SELP: variants seen among roughly 807,000 people sequenced by gnomAD.
The protein encoded by SELP is selectin P.
In SELP, 92 loss-of-function variants were observed where a neutral mutation model predicts 104.1. That is an observed-to-expected ratio of 0.88 (90% CI 0.75 to 1.05). The LOEUF is 1.05. Among genes scored for constraint, SELP ranks in the 50% least tolerant of loss-of-function variants. The probability of loss-of-function intolerance (pLI) is 0.00; values close to 1 mark genes in which losing one functional copy is unlikely to be tolerated. For synonymous variants in SELP, 397 were observed against 364.5 expected (o/e 1.09, Z -1.01); for missense variants, 1,022 against 1,017.3 (o/e 1.00, Z -0.06).
At chr1:169,603,763 C>T (rs910449048) in intron 9 of SELP, among the ~76,000 whole-genome samples, 4 of 152,192 alleles carry the variant, frequency 2.6e-5, no homozygotes, top group Non-Finnish European at 2.9e-5. Context: ...AGACAATAAC[C>T]TTTCTGAGCC....
At chr1:169,591,673 A>G in intron 14 of SELP, 2 of 373,946 alleles carry the variant, frequency 5.3e-6, no homozygotes, top group Non-Finnish European at 9.7e-6. Flanking sequence ...GAGTCCTGTC[A>G]CTTTCTTCCT....
chr1:169,602,946 C>T, intron 10 of SELP, 80 bp downstream of exon 10: 2 of 1,304,802 alleles, frequency 1.5e-6, no homozygotes, highest in South Asian at 1.5e-5. Flanking sequence ...CTCAAGAACA[C>T]TTTTATATAA....
chr1:169,609,692 A>G lies in SELP; in HGVS notation c.1148-3T>C. 6.2e-7 allele frequency: 1 copy of G among 1,606,516 alleles called. No homozygotes were observed. The highest frequency in any genetic ancestry group is 8.5e-7 in the Non-Finnish European group (1 of 1,176,326). On this transcript the variant is annotated splice_region_variant and splice_polypyrimidine_tract_variant and intron_variant, in intron 7 of 16. Coordinates refer to ENST00000263686, the MANE Select transcript of SELP (RefSeq NM_003005.4). The stretch of plus-strand genomic sequence containing the variant: ...CTCCAGCGGCTCACACGAAATAGCT[A>G]AGTGGAAAAGGTATCTTCTAAAGCC...
chr1:169,616,960 TTG>T, intron 3 of SELP, 66 bp downstream of exon 3: 1 of 1,369,854 alleles, frequency 7.3e-7, no homozygotes. Flanking sequence ...GGTGGTTATG[TTG>T]GCCAACCAGA....
rs750814671 is a variant in SELP at position 169,594,762 on chromosome 1, T to C, written c.2217A>G (p.Leu739=). 6.2e-7 allele frequency: 1 copy of C among 1,613,890 alleles called. No homozygotes were observed. The highest frequency in any genetic ancestry group is 1.1e-5 in the South Asian group (1 of 91,070). ...ATGCTGTTTGTGCAGAGCCATTAAGTAACTGGCCCTCTAGACAATGGAAAG... is the reference window on the plus strand; with the variant it reads ...ATGCTGTTTGTGCAGAGCCATTAAGCAACTGGCCCTCTAGACAATGGAAAG... ...ICSFHCLEGQ[L]LNGSAQTACQ... The change falls in exon 13 of 17, where the codon TTA becomes TTG. Residue 739 remains leucine (L), a synonymous_variant. Coordinates refer to ENST00000263686, the MANE Select transcript of SELP (RefSeq NM_003005.4).
In SELP at chr1:169,607,100, C is replaced by A; in HGVS notation, c.1368G>T (p.Glu456Asp). 6.2e-7 allele frequency: 1 copy of A among 1,606,552 alleles called. No individual in the cohort carries two copies. The highest frequency in any genetic ancestry group is 8.5e-7 in the Non-Finnish European group (1 of 1,174,006). Reference sequence around the variant, plus strand: ...AGGGGTGGGAGCAGTTCACCCGGGCCTCATTTGGAACTGGGAGATCCTGGC... The same window carrying A: ...AGGGGTGGGAGCAGTTCACCCGGGCATCATTTGGAACTGGGAGATCCTGGC... Reference protein sequence around the residue: ...LQCQDLPVPNEARVNCSHPFG... With the variant: ...LQCQDLPVPNDARVNCSHPFG... Residue 456 changes from glutamate to aspartate, a missense_variant, in exon 9 of 17, where the codon GAG becomes GAT. Physicochemically the swap from Glu to Asp is conservative, Grantham distance 45 (BLOSUM62 2). Transcript: ENST00000263686.
chr1:169,627,117 A>G (rs1663410211), intron 1 of SELP, among the ~76,000 whole-genome samples: 1 of 152,154 alleles, frequency 6.6e-6, no homozygotes, highest in South Asian at 2.1e-4. Context: ...AGGGGAGGTG[A>G]ATATGAGAGT....
At chr1:169,615,879 T>C (rs1233917464) in intron 3 of SELP, among the ~76,000 whole-genome samples, 2 of 152,176 alleles carry the variant, frequency 1.3e-5, no homozygotes, top group African/African-American at 4.8e-5. Context: ...GGGAGAGGTG[T>C]TTAAAATCTA....
chr1:169,628,036 C>A (rs1663463522), intron 1 of SELP, among the ~76,000 whole-genome samples: 1 of 152,218 alleles, frequency 6.6e-6, no homozygotes, highest in Admixed American at 6.5e-5. Context: ...GCTGGGATTA[C>A]AGGCACATGC....
intron 1 of SELP, among the ~76,000 whole-genome samples, chr1:169,625,702 A>T (rs1663341119): frequency 6.6e-6 from 1 of 152,244 alleles, no homozygotes; most frequent in African/African-American, 2.4e-5. Context: ...AAGTAAGACA[A>T]AAATATGCTA....
intron 14 of SELP, among the ~76,000 whole-genome samples, chr1:169,591,971 G>A (rs1436589689): frequency 3.9e-5 from 6 of 152,116 alleles, no homozygotes; most frequent in Non-Finnish European, 8.8e-5. Context: ...ACAAATGAAT[G>A]TATTTATTAT....
chr1:169,625,535 G>A (rs908802793), intron 1 of SELP, among the ~76,000 whole-genome samples: 3 of 152,176 alleles, frequency 2.0e-5, no homozygotes, highest in African/African-American at 7.2e-5. Context: ...AAACATGTGA[G>A]CATACAGCTG....
In SELP at chr1:169,594,868, C is replaced by G; in HGVS notation, c.2111G>C (p.Cys704Ser). 3 of 1,610,278 alleles carry G rather than the reference C, an allele frequency of 1.9e-6. No individual in the cohort carries two copies. Among genetic ancestry groups the G allele is most frequent in the Non-Finnish European group, 2.5e-6 (3 of 1,177,472 alleles). Reference sequence around the variant, plus strand: ...TGGCTTATTAACATGTAGTTCTGAGCATTTCACAGCTGCAGAAAAGAAATA... The same window carrying G: ...TGGCTTATTAACATGTAGTTCTGAGGATTTCACAGCTGCAGAAAAGAAATA... ...AVTPACRAVK[C>S]SELHVNKPIA... The change falls in exon 13 of 17, where the codon TGC (cysteine) becomes TCC (serine). Residue 704 changes from cysteine (C) to serine (S), a missense_variant. Cys to Ser is a moderately radical substitution (Grantham distance 112). Transcript: ENST00000263686.
chr1:169,610,414 A>G (rs1662462050), intron 7 of SELP, among the ~76,000 whole-genome samples: 1 of 152,112 alleles, frequency 6.6e-6, no homozygotes, highest in Non-Finnish European at 1.5e-5. Flanking sequence ...TTTCATTTCC[A>G]GGCTATTTCT....
chr1:169,617,535 C>T lies in SELP; in HGVS notation c.95-121G>A, dbSNP rs565786757. On this transcript the variant is annotated intron_variant, in intron 2 of 16. Transcript: ENST00000263686. ...ACCAGAACATTAATACACAAAACAA[C>T]GACTAGTTTATGTCTAATGTAGTTG... 209 of 1,011,090 alleles carry T rather than the reference C, an allele frequency of 2.1e-4. 1 individual carries two copies. In the African/African-American group the frequency reaches 2.2e-3, roughly 11 times the overall value. The allele number at this position is 1,011,090 out of a possible 1,614,324, so 62.6% of individuals were successfully genotyped here. A position where few individuals can be genotyped will look rare whatever the true frequency, so the allele number is the denominator to read the frequency against.
chr1:169,617,817 A>C (rs1662901958), intron 2 of SELP, among the ~76,000 whole-genome samples: 2 of 152,236 alleles, frequency 1.3e-5, no homozygotes, highest in South Asian at 4.1e-4. Context: ...CACATGGAAA[A>C]TAACATGCTT....
intron 12 of SELP, among the ~76,000 whole-genome samples, chr1:169,595,634 G>A (rs1350872883): frequency 6.6e-6 from 1 of 152,110 alleles, no homozygotes; most frequent in East Asian, 1.9e-4. Flanking sequence ...TCTATAGCAG[G>A]TTTTACATTT....
At chr1:169,602,891 T>C in intron 10 of SELP, 135 bp downstream of exon 10, 1 of 609,894 alleles carries the variant, frequency 1.6e-6, no homozygotes, top group Non-Finnish European at 2.6e-6. Context: ...GGGAGAACTT[T>C]TTTATCTAGA....
intron 1 of SELP, among the ~76,000 whole-genome samples, chr1:169,627,075 A>T (rs2236866): frequency 0.58 from 87,943 of 151,910 alleles, 26,072 homozygotes; most frequent in African/African-American, 0.68. Context: ...AAAGAGGGAC[A>T]GGTTTGGTCT....
Sources: gnomAD v4.1 joint callset for allele counts (sites outside exome capture counted in the v4.1 genomes callset) on GRCh38, gnomAD v4.1.1 for gene constraint, MANE v1.5 for transcripts, NCBI Gene and HGNC (gene_info 2026-07-23, HGNC 2026-07-21) for gene names.